Variants in SLC25A21 observed in about 807,000 individuals in gnomAD.
SLC25A21 encodes solute carrier family 25 member 21.
SLC25A21 carries 47 observed loss-of-function variants against 43.8 expected under a neutral mutation model. That is an observed-to-expected ratio of 1.07 (90% CI 0.85 to 1.37). SLC25A21 has a LOEUF of 1.37. Ranked by LOEUF, SLC25A21 falls within the 40% of genes most tolerant of loss-of-function variation. SLC25A21 has a pLI of 0.00. For missense variants in SLC25A21, 352 were observed against 350.2 expected, an observed-to-expected ratio of 1.00 and a Z score of -0.04; for synonymous variants, 131 against 121.3, an observed-to-expected ratio of 1.08 and a Z score of -0.52.
chr14:36,804,370 A>C (rs1322366986), intron 3 of SLC25A21, among the ~76,000 whole-genome samples: 1 of 152,214 alleles, frequency 6.6e-6, no homozygotes, highest in African/African-American at 2.4e-5. Context: ...CAGCATATTA[A>C]AAGATGAGGA....
At chr14:36,747,315 A>T (rs988508668) in intron 3 of SLC25A21, among the ~76,000 whole-genome samples, 2 of 152,184 alleles carry the variant, frequency 1.3e-5, no homozygotes, top group African/African-American at 4.8e-5. Context: ...GCTCAACCAC[A>T]TGTTAGCTGT....
At chr14:37,050,716 C>T (rs940657127) in intron 1 of SLC25A21, among the ~76,000 whole-genome samples, 3 of 152,190 alleles carry the variant, frequency 2.0e-5, no homozygotes, top group African/African-American at 7.2e-5. Context: ...CTTGCTAATA[C>T]TCAACAATGC....
chr14:36,689,148 A>G (rs142270030), intron 7 of SLC25A21, among the ~76,000 whole-genome samples: 3,503 of 152,340 alleles, frequency 0.023, 126 homozygotes, highest in African/African-American at 0.077. Flanking sequence ...AAGGCAAGGA[A>G]GAGCAAGTCA....
At chr14:36,721,780 G>A (rs1010716061) in intron 6 of SLC25A21, among the ~76,000 whole-genome samples, 8 of 152,232 alleles carry the variant, frequency 5.3e-5, no homozygotes, top group Non-Finnish European at 1.0e-4. Flanking sequence ...TTCCCTGAAG[G>A]CAGGGCTTGA....
chr14:36,803,002 C>T (rs111310810), intron 3 of SLC25A21, among the ~76,000 whole-genome samples: 2 of 152,308 alleles, frequency 1.3e-5, no homozygotes, highest in African/African-American at 4.8e-5. Flanking sequence ...CTAGGTGCCT[C>T]TGGAATGCCA....
intron 2 of SLC25A21, among the ~76,000 whole-genome samples, chr14:36,860,341 C>T (rs894857304): frequency 6.6e-6 from 1 of 152,148 alleles, no homozygotes; most frequent in Non-Finnish European, 1.5e-5. Context: ...GAAAACACTG[C>T]CTTGGAAACA....
At chr14:37,072,119 T>C (rs1198003798) in intron 1 of SLC25A21, among the ~76,000 whole-genome samples, 1 of 148,380 alleles carries the variant, frequency 6.7e-6, no homozygotes, top group Non-Finnish European at 1.5e-5. Flanking sequence ...GAGGCAGACG[T>C]TGCAGTGAGC....
At chr14:37,013,076 T>A (rs571916890) in intron 1 of SLC25A21, among the ~76,000 whole-genome samples, 2 of 152,172 alleles carry the variant, frequency 1.3e-5, no homozygotes, top group Non-Finnish European at 2.9e-5. Context: ...AGAACCCTAA[T>A]AATTGGAGTA....
intron 3 of SLC25A21, among the ~76,000 whole-genome samples, chr14:36,772,622 A>T (rs1033686508): frequency 3.9e-5 from 6 of 152,238 alleles, no homozygotes; most frequent in African/African-American, 1.4e-4. Flanking sequence ...CTAACACACT[A>T]GCTCCTCAAT....
chr14:37,015,804 A>AT, intron 1 of SLC25A21, among the ~76,000 whole-genome samples: 1 of 152,002 alleles, frequency 6.6e-6, no homozygotes, highest in East Asian at 1.9e-4. Context: ...GACGGTGAGC[A>AT]TTTTTTCATG....
intron 3 of SLC25A21, among the ~76,000 whole-genome samples, chr14:36,774,480 T>TAGGTAGATTTTGATAATATATTCTGGA (rs1278792298): frequency 6.6e-6 from 1 of 152,214 alleles, no homozygotes; most frequent in Admixed American, 6.5e-5. Context: ...GATAGATCGT[T>TAGGTAGATTTTGATAATATATTCTGGA]AGGTAGATTT....
At chr14:37,120,032 T>C (rs994540318) in intron 1 of SLC25A21, among the ~76,000 whole-genome samples, 2 of 152,204 alleles carry the variant, frequency 1.3e-5, no homozygotes, top group African/African-American at 4.8e-5. Flanking sequence ...AAGAAGAACA[T>C]ACTTTACATA....
At position 36,836,816 on chromosome 14, in the gene SLC25A21, T is replaced by C. The variant is rs531738091; in HGVS notation, c.120-22815A>G. On this transcript the variant is annotated intron_variant, in intron 2 of 9. Coordinates refer to ENST00000331299, the MANE Select transcript of SLC25A21 (RefSeq NM_030631.4). ...ACAAGGGGGAATTAACAGAAAGTTT[T>C]TCTTTTTGGTTTTGTTCTAAGAGAT... Among the ~76,000 whole-genome samples the C allele has an allele frequency of 2.0e-5, 3 of 152,374 alleles. No homozygotes were observed. In the East Asian group the frequency reaches 5.8e-4, roughly 29 times the overall value.
At chr14:36,798,780 T>C (rs1477777639) in intron 3 of SLC25A21, among the ~76,000 whole-genome samples, 1 of 152,128 alleles carries the variant, frequency 6.6e-6, no homozygotes, top group Non-Finnish European at 1.5e-5. Context: ...CAGGGAACTA[T>C]GTCTCACACC....
chr14:37,059,113 T>A (rs1225313917), intron 1 of SLC25A21, among the ~76,000 whole-genome samples: 1 of 152,218 alleles, frequency 6.6e-6, no homozygotes, highest in Non-Finnish European at 1.5e-5. Flanking sequence ...CACGTCTTGT[T>A]TATCTTTGTA....
intron 1 of SLC25A21, among the ~76,000 whole-genome samples, chr14:37,032,318 G>A (rs946048237): frequency 6.6e-6 from 1 of 151,964 alleles, no homozygotes; most frequent in Non-Finnish European, 1.5e-5. Context: ...GGTGGATCAC[G>A]AGGTCACGAG....
At chr14:36,981,582 G>A (rs1010484082) in intron 1 of SLC25A21, among the ~76,000 whole-genome samples, 18 of 152,012 alleles carry the variant, frequency 1.2e-4, no homozygotes, top group African/African-American at 3.9e-4. Flanking sequence ...GCAAACTATC[G>A]CAAGGACAGA....
chr14:37,007,042 A>G (rs543557516), intron 1 of SLC25A21, among the ~76,000 whole-genome samples: 1 of 152,356 alleles, frequency 6.6e-6, no homozygotes, highest in South Asian at 2.1e-4. Context: ...CAGTTCACCA[A>G]TGTGAAGACA....
intron 3 of SLC25A21, among the ~76,000 whole-genome samples, chr14:36,764,483 A>G (rs931730985): frequency 2.0e-5 from 3 of 147,910 alleles, no homozygotes; most frequent in African/African-American, 7.4e-5. Context: ...GTGAAGAACG[A>G]GGTAATAGTA....
Sources: allele counts gnomAD v4.1 joint callset (sites outside exome capture counted in the v4.1 genomes callset), GRCh38; gene constraint gnomAD v4.1.1; transcripts MANE v1.5; gene names NCBI Gene and HGNC (gene_info 2026-07-23, HGNC 2026-07-21).